CTNNA3: variants seen among roughly 807,000 people sequenced by gnomAD.
CTNNA3 encodes catenin alpha 3.
Under a neutral mutation model 95.7 loss-of-function variants are expected in CTNNA3, and 76 were observed. That is an observed-to-expected ratio of 0.79 (90% CI 0.66 to 0.96). The LOEUF (loss-of-function observed/expected upper bound fraction) is 0.96. Among genes scored for constraint, CTNNA3 ranks in the 40% least tolerant of loss-of-function variants. CTNNA3 has a pLI of 0.00. For missense variants in CTNNA3, 1,191 were observed against 1,089.8 expected (o/e 1.09, Z -1.31); for synonymous variants, 431 against 374.4 (o/e 1.15, Z -1.74).
intron 15 of CTNNA3, among the ~76,000 whole-genome samples, chr10:66,056,217 C>T (rs1589302076): frequency 6.6e-6 from 1 of 151,930 alleles, no homozygotes; most frequent in African/African-American, 2.4e-5. Context: ...CAAATACATA[C>T]TTGTTGAGGG....
chr10:66,281,807 CTT>C (rs1220544671), intron 12 of CTNNA3, among the ~76,000 whole-genome samples: 1 of 151,672 alleles, frequency 6.6e-6, no homozygotes, highest in African/African-American at 2.4e-5. Flanking sequence ...CATGGGCACT[CTT>C]TTTATCTGGT....
chr10:66,174,040 T>C (rs1165003809), intron 13 of CTNNA3, among the ~76,000 whole-genome samples: 1 of 152,154 alleles, frequency 6.6e-6, no homozygotes, highest in Non-Finnish European at 1.5e-5. Context: ...CTCTGATGCT[T>C]TCAATACATT....
intron 10 of CTNNA3, among the ~76,000 whole-genome samples, chr10:66,548,527 C>A (rs1412920198): frequency 6.6e-6 from 1 of 151,996 alleles, no homozygotes; most frequent in Admixed American, 6.6e-5. Context: ...GGAAAGCTTT[C>A]AAGTATCATT....
rs57102717 is a variant in CTNNA3 at position 66,746,860 on chromosome 10, AGTGT to A, written c.1281+19400_1281+19403del. ...TTTCTATGTTGCCAAAAATGGATGC[AGTGT>A]GTGTGTGTGTGTGTGTGTGTGCGTG... On this transcript the variant is annotated intron_variant, in intron 9 of 17. Transcript: ENST00000433211. Among the ~76,000 whole-genome samples the A allele has an allele frequency of 9.7e-3, 1,456 of 150,522 alleles. 24 individuals are homozygous for A. Among genetic ancestry groups the A allele is most frequent in the East Asian group, 0.072 (365 of 5,092 alleles).
intron 7 of CTNNA3, among the ~76,000 whole-genome samples, chr10:66,842,137 C>G (rs959652962): frequency 2.6e-5 from 4 of 151,608 alleles, no homozygotes; most frequent in African/African-American, 9.7e-5. Flanking sequence ...GAGATGCAGT[C>G]TCTCTATGTT....
intron 9 of CTNNA3, among the ~76,000 whole-genome samples, chr10:66,644,148 C>T (rs1054516444): frequency 1.3e-5 from 2 of 151,716 alleles, no homozygotes; most frequent in South Asian, 2.1e-4. Context: ...GTCCTAGCTA[C>T]TTGGCGGGGT....
intron 7 of CTNNA3, among the ~76,000 whole-genome samples, chr10:66,790,220 G>A (rs185256890): frequency 1.1e-3 from 172 of 152,244 alleles, no homozygotes; most frequent in Admixed American, 2.6e-3. Flanking sequence ...GTGCCCAGGC[G>A]GGTGGATCGC....
chr10:66,664,769 A>AAAAGG (rs1846383548), intron 9 of CTNNA3, among the ~76,000 whole-genome samples: 1 of 152,078 alleles, frequency 6.6e-6, no homozygotes, highest in South Asian at 2.1e-4. Context: ...TCACTGGGAA[A>AAAAGG]TGCTCATTGA....
intron 5 of CTNNA3, among the ~76,000 whole-genome samples, chr10:67,408,306 A>G (rs181012350): frequency 6.2e-4 from 95 of 152,248 alleles, no homozygotes; most frequent in Non-Finnish European, 9.1e-4. Context: ...GAACAAAGCT[A>G]GAGGTACCAC....
At chr10:66,142,845 TAATA>T (rs1451482980) in intron 13 of CTNNA3, among the ~76,000 whole-genome samples, 1 of 152,116 alleles carries the variant, frequency 6.6e-6, no homozygotes, top group Admixed American at 6.5e-5. Context: ...AGTATAAAAA[TAATA>T]AATAAGACAA....
intron 3 of CTNNA3, among the ~76,000 whole-genome samples, chr10:67,544,274 T>C (rs1339426734): frequency 6.6e-6 from 1 of 151,978 alleles, no homozygotes; most frequent in African/African-American, 2.4e-5. Context: ...AACAAAAAAA[T>C]AGACCAAATA....
rs961090534 is a variant in CTNNA3, at chr10:66,684,885, T to C, written c.1282-63101A>G. The stretch of plus-strand genomic sequence containing the variant: ...ATGAACTCCTATTTATTAGTAATTA[T>C]GTAGGAATAAACGTGATGATTCTAA... On this transcript the variant is annotated intron_variant, in intron 9 of 17. Transcript: ENST00000433211. Among the ~76,000 whole-genome samples, 9 of 146,924 alleles carry C rather than the reference T, an allele frequency of 6.1e-5. No individual in the cohort carries two copies. In the East Asian group the frequency reaches 1.4e-3, roughly 23 times the overall value.
intron 11 of CTNNA3, among the ~76,000 whole-genome samples, chr10:66,403,512 A>C (rs2093035445): frequency 6.6e-6 from 1 of 152,114 alleles, no homozygotes; most frequent in South Asian, 2.1e-4. Flanking sequence ...AGATCTCATG[A>C]GAACTGACTC....
chr10:67,384,474 C>T (rs1844068265), intron 5 of CTNNA3, among the ~76,000 whole-genome samples: 2 of 152,026 alleles, frequency 1.3e-5, no homozygotes, highest in Admixed American at 1.3e-4. Context: ...TTTTCTTGTT[C>T]CAGGAATAAA....
chr10:66,487,309 C>A (rs1839771726), intron 11 of CTNNA3, among the ~76,000 whole-genome samples: 1 of 147,666 alleles, frequency 6.8e-6, no homozygotes, highest in African/African-American at 2.5e-5. Context: ...TCACGCTGTT[C>A]TCCTGCCTCA....
chr10:67,606,811 C>T (rs143425679), intron 3 of CTNNA3, 46 bp downstream of exon 3: 6 of 1,441,308 alleles, frequency 4.2e-6, no homozygotes, highest in African/African-American at 2.9e-5. Flanking sequence ...GTGACTAACA[C>T]CCTAAAGATA....
At chr10:66,757,197 C>T (rs1455022861) in intron 9 of CTNNA3, among the ~76,000 whole-genome samples, 2 of 152,114 alleles carry the variant, frequency 1.3e-5, no homozygotes, top group African/African-American at 2.4e-5. Context: ...TCACTCATTA[C>T]TTCTTGGTAA....
At chr10:67,727,977 T>C (rs1344054316) in intron 1 of CTNNA3, among the ~76,000 whole-genome samples, 1 of 138,376 alleles carries the variant, frequency 7.2e-6, no homozygotes, top group African/African-American at 2.7e-5. Context: ...AGATGACACA[T>C]AATACATATA....
intron 2 of CTNNA3, among the ~76,000 whole-genome samples, chr10:67,628,222 G>A (rs774944966): frequency 4.0e-5 from 6 of 149,538 alleles, no homozygotes; most frequent in Non-Finnish European, 7.4e-5. Flanking sequence ...AATAGTAAAC[G>A]ACTTTGGTTC....
Sources: gnomAD v4.1 joint callset for allele counts (sites outside exome capture counted in the v4.1 genomes callset) on GRCh38, gnomAD v4.1.1 for gene constraint, MANE v1.5 for transcripts, NCBI Gene and HGNC (gene_info 2026-07-23, HGNC 2026-07-21) for gene names.